Variants in CUX2 observed in about 807,000 individuals in gnomAD.
The protein encoded by CUX2 is cut like homeobox 2.
CUX2 carries 40 observed loss-of-function variants against 144.8 expected under a neutral mutation model. That is an observed-to-expected ratio of 0.28 (90% CI 0.21 to 0.36). The LOEUF is 0.36. CUX2 is among the 10% of genes least tolerant of loss of function. The pLI is 1.00. For synonymous variants in CUX2, 827 were observed against 875.6 expected, an observed-to-expected ratio of 0.94 and a Z score of 0.98; for missense variants, 1,615 against 1,994.0, an observed-to-expected ratio of 0.81 and a Z score of 3.62.
chr12:111,312,592 T>A lies in CUX2; in HGVS notation c.2002+391T>A, dbSNP rs1886964260. 1.3e-5 allele frequency among the ~76,000 whole-genome samples: 2 copies of A among 151,694 alleles called. No individual in the cohort carries two copies. Among genetic ancestry groups the A allele is most frequent in the African/African-American group, 4.8e-5 (2 of 41,256 alleles). ...ATATGTGCCTGTAATCCCAGCTACT[T>A]AGAAGGCTGAGGCAGGAGAATTGCT... On this transcript the variant is annotated intron_variant, in intron 16 of 21. Transcript: ENST00000261726. The surrounding 1 kb of genome is among the most constrained non-coding windows in gnomAD (Gnocchi z 4.3).
At chr12:111,264,869 C>T (rs920172039) in intron 4 of CUX2, among the ~76,000 whole-genome samples, 1 of 149,848 alleles carries the variant, frequency 6.7e-6, no homozygotes, top group African/African-American at 2.5e-5. Flanking sequence ...TTACATGAAA[C>T]ATCCAGAACA....
intron 1 of CUX2, chr12:111,099,536 C>T (rs923848894): frequency 2.2e-6 from 1 of 456,460 alleles, no homozygotes; most frequent in African/African-American, 2.0e-5. Context: ...GGGGGTGGCC[C>T]CCTATTTGTT....
At chr12:111,283,268 G>C (rs1251051880) in intron 4 of CUX2, among the ~76,000 whole-genome samples, 1 of 152,000 alleles carries the variant, frequency 6.6e-6, no homozygotes, top group African/African-American at 2.4e-5. Context: ...GGCAGGTTAG[G>C]CCTTCAGGAT....
chr12:111,220,021 G>C (rs977535366), intron 3 of CUX2, among the ~76,000 whole-genome samples: 2 of 151,990 alleles, frequency 1.3e-5, no homozygotes, highest in Admixed American at 6.6e-5. Flanking sequence ...GTGGGCACCT[G>C]TAATTCCAAT....
chr12:111,055,595 G>A (rs938008839), intron 1 of CUX2, among the ~76,000 whole-genome samples: 1 of 152,258 alleles, frequency 6.6e-6, no homozygotes, highest in Non-Finnish European at 1.5e-5. Flanking sequence ...CCCTGGAGGG[G>A]GCGAGGAGAG....
rs1422662938 is a variant in CUX2, at chr12:111,348,349, C to T, written c.*24C>T. On this transcript the variant is annotated 3_prime_UTR_variant, in exon 22 of 22. Transcript: ENST00000261726. ...GAAGGCAGGGTGAGGGGGCAAGGGA[C>T]ATACCCTGGTAACTACCTTCCTTCT... The T allele has an allele frequency of 1.3e-6, 2 of 1,585,848 alleles. No individual in the cohort carries two copies. The highest frequency in any genetic ancestry group is 1.7e-6 in the Non-Finnish European group (2 of 1,162,522).
chr12:111,260,861 C>T (rs1312533696), intron 3 of CUX2, among the ~76,000 whole-genome samples: 1 of 152,254 alleles, frequency 6.6e-6, no homozygotes, highest in African/African-American at 2.4e-5. Flanking sequence ...CCAGCCACCA[C>T]ATGCACTCAG....
intron 1 of CUX2, among the ~76,000 whole-genome samples, chr12:111,047,533 G>C (rs1021949212): frequency 2.6e-5 from 4 of 152,104 alleles, no homozygotes; most frequent in African/African-American, 7.2e-5. Context: ...CCTGACCTTT[G>C]TTCTTTCATT....
At chr12:111,052,678 C>T (rs1870335338) in intron 1 of CUX2, among the ~76,000 whole-genome samples, 1 of 151,484 alleles carries the variant, frequency 6.6e-6, no homozygotes, top group Admixed American at 6.6e-5. Context: ...TCTGCATCCA[C>T]ATGTGGGGAT....
At chr12:111,164,383 C>G (rs923545115) in intron 1 of CUX2, among the ~76,000 whole-genome samples, 1 of 151,894 alleles carries the variant, frequency 6.6e-6, no homozygotes, top group Non-Finnish European at 1.5e-5. Context: ...TGAGACCAGC[C>G]TGGCCAACAT....
At chr12:111,203,249 A>T (rs1432935539) in intron 1 of CUX2, among the ~76,000 whole-genome samples, 1 of 151,352 alleles carries the variant, frequency 6.6e-6, no homozygotes, top group Non-Finnish European at 1.5e-5. Context: ...AAAAAAAAAA[A>T]AAAAATCAGT....
intron 3 of CUX2, among the ~76,000 whole-genome samples, chr12:111,239,589 TA>T (rs1170479037): frequency 4.6e-5 from 7 of 152,242 alleles, no homozygotes; most frequent in Non-Finnish European, 5.9e-5. Flanking sequence ...GGATGGCATT[TA>T]AGCAAAGTTT....
chr12:111,134,594 T>TTC (rs370486043), intron 1 of CUX2, among the ~76,000 whole-genome samples: 2,092 of 144,204 alleles, frequency 0.015, 18 homozygotes, highest in Middle Eastern at 0.03. Context: ...TAAGATCTCT[T>TTC]TCTCTCTCTC....
At chr12:111,199,778 G>C (rs1240115689) in intron 1 of CUX2, among the ~76,000 whole-genome samples, 1 of 152,020 alleles carries the variant, frequency 6.6e-6, no homozygotes, top group East Asian at 1.9e-4. Flanking sequence ...ATGTTTGTAC[G>C]TGTGTTTCTG....
At chr12:111,210,591 T>C (rs1328996086) in intron 1 of CUX2, among the ~76,000 whole-genome samples, 1 of 152,074 alleles carries the variant, frequency 6.6e-6, no homozygotes, top group Non-Finnish European at 1.5e-5. Context: ...TCTAGGAGTT[T>C]GAGACCAGCC....
rs370411186 is a variant in CUX2 at position 111,342,068 on chromosome 12, G to T, written c.3659+15G>T. ...CACAACTACAGGTGGGACTATGGGG[G>T]CGTACCCACAGGCGGGTGGCAGAAT... On this transcript the variant is annotated intron_variant, in intron 21 of 21. Coordinates refer to ENST00000261726, the MANE Select transcript of CUX2 (RefSeq NM_015267.4). 2.8e-5 allele frequency: 44 copies of T among 1,599,386 alleles called. No individual in the cohort carries two copies. In the African/African-American group the frequency reaches 5.6e-4, roughly 20 times the overall value.
At chr12:111,197,783 C>T (rs1229171635) in intron 1 of CUX2, among the ~76,000 whole-genome samples, 1 of 152,212 alleles carries the variant, frequency 6.6e-6, no homozygotes, top group Non-Finnish European at 1.5e-5. Context: ...CTCCCACCAC[C>T]AGGGAGCCAT....
chr12:111,210,116 G>A (rs1881134325), intron 1 of CUX2, among the ~76,000 whole-genome samples: 2 of 152,164 alleles, frequency 1.3e-5, no homozygotes, highest in Admixed American at 6.5e-5. Flanking sequence ...TACCAGAGCT[G>A]TGTGTGTGGT....
At chr12:111,052,111 A>G (rs1022032714) in intron 1 of CUX2, among the ~76,000 whole-genome samples, 32 of 152,188 alleles carry the variant, frequency 2.1e-4, no homozygotes, top group African/African-American at 7.0e-4. Flanking sequence ...CCCCGGCACC[A>G]TAGCCCCCAT....
Sources: allele counts gnomAD v4.1 joint callset (sites outside exome capture counted in the v4.1 genomes callset), GRCh38; gene constraint gnomAD v4.1.1; non-coding constraint Gnocchi (gnomAD v3.1); transcripts MANE v1.5; gene names NCBI Gene and HGNC (gene_info 2026-07-23, HGNC 2026-07-21).